The following PCDHA2 variants were observed in gnomAD, a reference collection of about 807,000 sequenced individuals.
PCDHA2 encodes the protein protocadherin alpha-2.
PCDHA2 carries 58 observed loss-of-function variants against 66.0 expected under a neutral mutation model. The ratio of observed to expected loss-of-function variants is 0.88; its 90% CI spans 0.71 to 1.09. PCDHA2 has a LOEUF of 1.09. Among genes scored for constraint, PCDHA2 ranks in the 50% least tolerant of loss-of-function variants. PCDHA2 has a pLI of 0.00. For missense variants in PCDHA2, 1,267 were observed against 1,242.3 expected (o/e 1.02, Z -0.30); for synonymous variants, 634 against 554.0 (o/e 1.14, Z -2.03).
intron 3 of PCDHA2, among the ~76,000 whole-genome samples, chr5:140,997,851 C>T (rs1400770612): frequency 6.6e-6 from 1 of 152,122 alleles, no homozygotes. Flanking sequence ...CATTCTTATA[C>T]ATATTTCTTA....
chr5:140,894,098 T>C (rs1025974161), intron 1 of PCDHA2, among the ~76,000 whole-genome samples: 2 of 152,178 alleles, frequency 1.3e-5, no homozygotes, highest in Non-Finnish European at 2.9e-5. Flanking sequence ...TTCTAGCTCC[T>C]GGTGTTGCAG....
intron 1 of PCDHA2, chr5:140,877,604 T>C: frequency 6.2e-7 from 1 of 1,613,886 alleles, no homozygotes. Flanking sequence ...TCCAGCCTGC[T>C]GGTGCTCACG....
chr5:140,969,203 G>A (rs781962982), intron 1 of PCDHA2: 2 of 1,614,178 alleles, frequency 1.2e-6, no homozygotes, highest in Non-Finnish European at 8.5e-7. Flanking sequence ...CAATACAGGG[G>A]CCCAGACAGG....
intron 1 of PCDHA2, chr5:140,927,314 C>G: frequency 6.2e-7 from 1 of 1,614,194 alleles, no homozygotes; most frequent in East Asian, 2.2e-5. Flanking sequence ...ACGCCCGGAG[C>G]CCGCTTTACT....
At chr5:140,855,048 A>G (rs2043321235) in intron 1 of PCDHA2, among the ~76,000 whole-genome samples, 1 of 149,960 alleles carries the variant, frequency 6.7e-6, no homozygotes, top group Admixed American at 6.7e-5. Flanking sequence ...CTGTAATAGT[A>G]CTTTTCTGTT....
intron 1 of PCDHA2, chr5:140,802,868 C>A (rs199682432): frequency 6.2e-7 from 1 of 1,613,720 alleles, no homozygotes; most frequent in South Asian, 1.1e-5. Flanking sequence ...TCGTGCTGGA[C>A]GAGAACGACA....
chr5:140,976,303 C>A (rs1458121600), intron 1 of PCDHA2, among the ~76,000 whole-genome samples: 10 of 152,090 alleles, frequency 6.6e-5, no homozygotes, highest in Non-Finnish European at 1.3e-4. Flanking sequence ...GTAATCCCAG[C>A]ACTTTGGGAG....
At chr5:140,809,329 G>A (rs1764429896) in intron 1 of PCDHA2, 1 of 1,614,110 alleles carries the variant, frequency 6.2e-7, no homozygotes. Flanking sequence ...TGGTGCTCAC[G>A]CTGCTGCTGT....
chr5:140,966,753 C>G, intron 1 of PCDHA2: 3 of 1,433,176 alleles, frequency 2.1e-6, no homozygotes, highest in South Asian at 1.5e-5. Flanking sequence ...CTGCCTCCGC[C>G]GCGGCCAGTG....
chr5:140,848,730 C>T (rs1554142389), intron 1 of PCDHA2: 1 of 1,592,676 alleles, frequency 6.3e-7, no homozygotes, highest in Admixed American at 1.7e-5. Flanking sequence ...GGAGGTAAAT[C>T]TGCAGAATGG....
At chr5:140,882,407 C>A (rs368121978) in intron 1 of PCDHA2, 48 of 1,614,006 alleles carry the variant, frequency 3.0e-5, no homozygotes, top group Non-Finnish European at 1.3e-5. Flanking sequence ...CTTCGTGGGC[C>A]GCATCGCTCA....
chr5:140,823,509 G>A (rs1350643450), intron 1 of PCDHA2: 1 of 1,613,414 alleles, frequency 6.2e-7, no homozygotes, highest in Non-Finnish European at 8.5e-7. Flanking sequence ...CAGTGAGCGA[G>A]CTGGTGCCGA....
rs144129472 is a variant in PCDHA2, at chr5:140,829,658, C to T, written c.2388+32306C>T. ...CGGCAAGGTGTACGCGCTGCAGCCG[C>T]TGGACCACGAGGAGCTAGAGCTGCT... On this transcript the variant is annotated intron_variant, in intron 1 of 3. Transcript: ENST00000526136. 146 of 1,612,562 alleles carry T rather than the reference C, an allele frequency of 9.1e-5. 1 individual carries two copies. The African/African-American group carries it at 1.1e-3, about 12-fold the overall frequency.
At chr5:140,818,883 G>T (rs960281894) in intron 1 of PCDHA2, among the ~76,000 whole-genome samples, 4 of 152,162 alleles carry the variant, frequency 2.6e-5, no homozygotes, top group African/African-American at 9.6e-5. Context: ...GCCTGAGATT[G>T]CATCTCTTGA....
In PCDHA2 at chr5:140,802,576, A is replaced by G. The variant is rs781885871; in HGVS notation, c.2388+5224A>G. 5.0e-6 allele frequency: 8 copies of G among 1,613,822 alleles called. No individual in the cohort carries two copies. Among genetic ancestry groups the G allele is most frequent in the Non-Finnish European group, 6.8e-6 (8 of 1,179,996 alleles). ...GCGCCGGCATTCTCGCAGTCCGAGT[A>G]CACGGTGTTCGTGAAGGAGAACAAC... On this transcript the variant is annotated intron_variant, in intron 1 of 3. Transcript: ENST00000526136.
At chr5:140,906,059 G>A (rs1583580035) in intron 1 of PCDHA2, among the ~76,000 whole-genome samples, 1 of 152,158 alleles carries the variant, frequency 6.6e-6, no homozygotes, top group South Asian at 2.1e-4. Flanking sequence ...TGCACTGGCA[G>A]CTGATTAGAT....
chr5:140,940,029 C>T (rs1411990785), intron 1 of PCDHA2, among the ~76,000 whole-genome samples: 4 of 152,136 alleles, frequency 2.6e-5, no homozygotes, highest in East Asian at 1.9e-4. Flanking sequence ...TGTTTTAAGG[C>T]TATTTTATTT....
At chr5:140,821,649 T>C (rs1477425486) in intron 1 of PCDHA2, 10 of 1,085,948 alleles carry the variant, frequency 9.2e-6, no homozygotes, top group Non-Finnish European at 1.3e-5. Context: ...GAACCTTCCA[T>C]TTTTGGCTGT....
At chr5:140,952,257 C>T (rs1224282193) in intron 1 of PCDHA2, among the ~76,000 whole-genome samples, 1 of 151,342 alleles carries the variant, frequency 6.6e-6, no homozygotes, top group Non-Finnish European at 1.5e-5. Flanking sequence ...GGTGGATTCC[C>T]ATTCTGGGGT....
Sources: gnomAD v4.1 joint callset for allele counts (sites outside exome capture counted in the v4.1 genomes callset) on GRCh38, gnomAD v4.1.1 for gene constraint, MANE v1.5 for transcripts, NCBI Gene and HGNC (gene_info 2026-07-23, HGNC 2026-07-21) for gene names.